NCOR1: variants seen among roughly 807,000 people sequenced by gnomAD.
NCOR1 encodes nuclear receptor corepressor 1.
Under a neutral mutation model 288.1 loss-of-function variants are expected in NCOR1, and 63 were observed. That is an observed-to-expected ratio of 0.22 (90% CI 0.18 to 0.27). The LOEUF (loss-of-function observed/expected upper bound fraction) is 0.27. Ranked by LOEUF, NCOR1 falls within the 10% of genes least tolerant of loss-of-function variation. The pLI, the probability that NCOR1 is intolerant of heterozygous loss-of-function variation, is 1.00. For synonymous variants in NCOR1, 1,007 were observed against 1,065.9 expected (o/e 0.94, Z 1.08); for missense variants, 2,397 against 3,019.2 (o/e 0.79, Z 4.83).
chr17:16,039,038 G>T (rs1321065674), intron 44 of NCOR1, among the ~76,000 whole-genome samples: 1 of 152,164 alleles, frequency 6.6e-6, no homozygotes, highest in East Asian at 1.9e-4. Context: ...CAAAGTGCTG[G>T]GATTACAGGC....
intron 1 of NCOR1, among the ~76,000 whole-genome samples, chr17:16,207,934 A>C (rs1288247104): frequency 6.6e-6 from 1 of 151,548 alleles, no homozygotes; most frequent in East Asian, 1.9e-4. Context: ...ACTCCTGACT[A>C]ATCTACTTAA....
intron 18 of NCOR1, among the ~76,000 whole-genome samples, chr17:16,111,535 G>A (rs988674032): frequency 1.3e-5 from 2 of 152,078 alleles, no homozygotes; most frequent in African/African-American, 4.8e-5. Context: ...CCAGGAGGCA[G>A]AGGTTGCAGT....
chr17:16,131,545 A>T (rs2075639983), intron 14 of NCOR1, among the ~76,000 whole-genome samples: 1 of 152,240 alleles, frequency 6.6e-6, no homozygotes, highest in South Asian at 2.1e-4. Context: ...GTTGCCAAAA[A>T]ACGAAATTAC....
rs562623179 is a variant in NCOR1 at position 16,039,668 on chromosome 17, A to G, written c.6734-14T>C. ...AGCTAACTGAGCCTGAAAGAGAATC[A>G]AAAACATTTCCACTTATTTCTGAAA... On this transcript the variant is annotated splice_polypyrimidine_tract_variant and intron_variant, in intron 43 of 45. Coordinates refer to ENST00000268712, the MANE Select transcript of NCOR1 (RefSeq NM_006311.4). 1.4e-5 allele frequency: 23 copies of G among 1,605,498 alleles called. No individual in the cohort carries two copies. Among genetic ancestry groups the G allele is most frequent in the East Asian group, 2.2e-5 (1 of 44,808 alleles).
Position 16,101,449 on chromosome 17 carries a change from T to A in NCOR1, c.2491A>T (p.Asn831Tyr). The part of the protein sequence containing the change: ...SVDVEVRVPE[N>Y]HASKVEGDNT... ...TCACCTTCAACTTTAGATGCATGGTTTTCTGGCACCCTCACTTCAACGTCC... is the reference window on the plus strand; with the variant it reads ...TCACCTTCAACTTTAGATGCATGGTATTCTGGCACCCTCACTTCAACGTCC... Residue 831 changes from asparagine to tyrosine, a missense_variant, in exon 20 of 46, where the codon AAC (asparagine) becomes TAC (tyrosine). Physicochemically the swap from Asn to Tyr is moderately radical, Grantham distance 143. Transcript: ENST00000268712. The A allele has an allele frequency of 5.6e-6, 9 of 1,614,162 alleles. No individual in the cohort carries two copies. Among genetic ancestry groups the A allele is most frequent in the Admixed American group, 1.7e-5 (1 of 60,026 alleles).
chr17:16,181,157 T>TA (rs560056484), intron 3 of NCOR1, among the ~76,000 whole-genome samples: 19 of 142,488 alleles, frequency 1.3e-4, no homozygotes, highest in East Asian at 1.0e-3. Context: ...AGACTCTGTC[T>TA]AAAAAAAAAA....
intron 5 of NCOR1, among the ~76,000 whole-genome samples, chr17:16,164,070 T>C (rs1424173975): frequency 1.3e-5 from 2 of 152,062 alleles, no homozygotes; most frequent in African/African-American, 4.8e-5. Flanking sequence ...TAGAGAGTGG[T>C]GATAGCTGTA....
At chr17:16,034,971 T>C (rs767112833) in intron 44 of NCOR1, 27 bp from the exon 45 acceptor site, 14 of 1,606,260 alleles carry the variant, frequency 8.7e-6, no homozygotes, top group Non-Finnish European at 1.2e-5. Context: ...AGTTAAAGTA[T>C]TAATATATTA....
Position 16,032,479 on chromosome 17 carries a change from T to C in NCOR1, c.7140A>G (p.Ser2380=). ...TCAGAGGGTTATAAGGAAACTGAGTTGAGCCTGACAAAAGAAAAATTAGGT... is the reference window on the plus strand; with the variant it reads ...TCAGAGGGTTATAAGGAAACTGAGTCGAGCCTGACAAAAGAAAAATTAGGT... ...AWEDRPSSTG[S]TQFPYNPLTM... Residue 2380 remains serine, a synonymous_variant, in exon 46 of 46, where the codon TCA becomes TCG. Transcript: ENST00000268712. The C allele has an allele frequency of 6.4e-7, 1 of 1,566,904 alleles. No individual in the cohort carries two copies. The highest frequency in any genetic ancestry group is 1.4e-5 in the African/African-American group (1 of 72,328).
intron 3 of NCOR1, among the ~76,000 whole-genome samples, chr17:16,184,299 T>C (rs950686907): frequency 6.6e-6 from 1 of 152,182 alleles, no homozygotes; most frequent in Non-Finnish European, 1.5e-5. Context: ...GAAAACATAT[T>C]TGTAAACTAT....
intron 18 of NCOR1, among the ~76,000 whole-genome samples, chr17:16,112,036 A>G (rs2070350479): frequency 6.6e-6 from 1 of 151,808 alleles, no homozygotes; most frequent in African/African-American, 2.4e-5. Context: ...TGCCCGGCTA[A>G]TTTTTTGTAC....
At chr17:16,145,627 C>CGCCCCGCT (rs2077829827) in intron 10 of NCOR1, among the ~76,000 whole-genome samples, 1 of 151,964 alleles carries the variant, frequency 6.6e-6, no homozygotes, top group East Asian at 1.9e-4. Flanking sequence ...GCCCGGCAGC[C>CGCCCCGCT]GCCCCGTCTG....
chr17:16,158,746 T>G lies in NCOR1; in HGVS notation c.732+14A>C. 6.4e-7 allele frequency: 1 copy of G among 1,562,058 alleles called. No homozygotes were observed. Among genetic ancestry groups the G allele is most frequent in the Non-Finnish European group, 8.8e-7 (1 of 1,135,160 alleles). ...GGTTAAAGGCCTGTGCTGCCAGAGA[T>G]GGTATGAGCTTACCCGATTCTCATC... is the stretch of plus-strand genomic sequence containing the variant. On this transcript the variant is annotated intron_variant, in intron 6 of 45. Transcript: ENST00000268712.
intron 4 of NCOR1, among the ~76,000 whole-genome samples, chr17:16,165,724 A>T (rs2081895108): frequency 6.6e-6 from 1 of 152,176 alleles, no homozygotes; most frequent in African/African-American, 2.4e-5. Flanking sequence ...CCCACACTAC[A>T]GCATACATAA....
Position 16,058,204 on chromosome 17 carries a change from G to C in NCOR1, c.6011-140C>G, listed in dbSNP as rs187047092. ...ACAAAGAACTTATCTTAATTTTGGA[G>C]AAAAAAAAAATTATTCACTGAAGAA... On this transcript the variant is annotated intron_variant, in intron 38 of 45. Coordinates refer to ENST00000268712, the MANE Select transcript of NCOR1 (RefSeq NM_006311.4). The C allele has an allele frequency of 3.4e-3, 3,237 of 966,152 alleles. 7 individuals are homozygous for C. The highest frequency in any genetic ancestry group is 5.0e-3 in the Middle Eastern group (14 of 2,790). 59.8% of individuals were successfully genotyped at this position (966,152 alleles called of 1,614,324 possible). A position where few individuals can be genotyped will look rare whatever the true frequency, so the allele number is the denominator to read the frequency against.
intron 21 of NCOR1, among the ~76,000 whole-genome samples, chr17:16,097,137 A>G (rs1419493366): frequency 6.6e-6 from 1 of 152,228 alleles, no homozygotes; most frequent in Non-Finnish European, 1.5e-5. Context: ...GAATTTCCAG[A>G]GCAGTAAGAG....
intron 2 of NCOR1, among the ~76,000 whole-genome samples, chr17:16,193,296 T>C (rs1365644431): frequency 6.6e-6 from 1 of 152,128 alleles, no homozygotes; most frequent in Non-Finnish European, 1.5e-5. Context: ...AACGGCGCAA[T>C]TTTGGCTCAC....
At chr17:16,164,922 A>T (rs1185481012) in intron 5 of NCOR1, 57 bp downstream of exon 5, 1 of 1,237,206 alleles carries the variant, frequency 8.1e-7, no homozygotes, top group Non-Finnish European at 1.1e-6. Context: ...ACTCAAAAAT[A>T]TCTACTGTAG....
chr17:16,162,033 G>A (rs1292143808), intron 5 of NCOR1, among the ~76,000 whole-genome samples: 1 of 152,054 alleles, frequency 6.6e-6, no homozygotes, highest in East Asian at 1.9e-4. Flanking sequence ...AACCAGTAAA[G>A]ACTTAATTAG....
Sources: allele counts gnomAD v4.1 joint callset (sites outside exome capture counted in the v4.1 genomes callset), GRCh38; gene constraint gnomAD v4.1.1; transcripts MANE v1.5; gene names NCBI Gene and HGNC (gene_info 2026-07-23, HGNC 2026-07-21).